STK17A: variants seen among roughly 807,000 people sequenced by gnomAD.
STK17A encodes serine/threonine-protein kinase 17A.
In STK17A, 26 loss-of-function variants were observed where a neutral mutation model predicts 43.7. The observed-to-expected ratio is 0.60, with a 90% CI of 0.44 to 0.83. The LOEUF (loss-of-function observed/expected upper bound fraction) is 0.83, where lower values mean the gene tolerates loss of function less well. Among genes scored for constraint, STK17A ranks in the 40% least tolerant of loss-of-function variants. STK17A has a pLI of 0.00. For synonymous variants in STK17A, 191 were observed against 182.5 expected (o/e 1.05, Z -0.38); for missense variants, 476 against 511.6 (o/e 0.93, Z 0.67).
chr7:43,598,431 C>G, intron 2 of STK17A, among the ~76,000 whole-genome samples: 1 of 145,290 alleles, frequency 6.9e-6, no homozygotes, highest in African/African-American at 2.6e-5. Flanking sequence ...GATCGTGCCA[C>G]TGCACTCCAG....
rs964324229 is a variant in STK17A at position 43,583,154 on chromosome 7, C to T, written c.-90C>T. ...GGAGAGCGGGTGTTTGAAGGCTCCG[C>T]GGACCGGCACTAGGAGCCGGGGGCG... On this transcript the variant is annotated 5_prime_UTR_variant, in exon 1 of 7. Coordinates refer to ENST00000319357, the MANE Select transcript of STK17A (RefSeq NM_004760.3). 5.5e-5 allele frequency: 77 copies of T among 1,401,544 alleles called. No individual in the cohort carries two copies. In the African/African-American group the frequency reaches 1.0e-3, roughly 19 times the overall value. The allele number at this position is 1,401,544 out of a possible 1,614,324, so 86.8% of individuals were successfully genotyped here. A position where few individuals can be genotyped will look rare whatever the true frequency, so the allele number is the denominator to read the frequency against.
At position 43,624,674 on chromosome 7, in the gene STK17A, A is replaced by C. The variant is rs2084297041; in HGVS notation, c.1077A>C (p.Ser359=). 6.2e-7 allele frequency: 1 copy of C among 1,614,038 alleles called. No homozygotes were observed. Among genetic ancestry groups the C allele is most frequent in the African/African-American group, 1.3e-5 (1 of 74,944 alleles). ...VPEINSDTDK[S]ETKESIVTEE... The stretch of plus-strand genomic sequence containing the variant: ...AAATTAATTCGGATACCGACAAATC[A>C]GAAACCAAGGAATCCATTGTAACCG... The change falls in exon 7 of 7, where the codon TCA becomes TCC. Residue 359 remains serine, a synonymous_variant. Coordinates refer to ENST00000319357, the MANE Select transcript of STK17A (RefSeq NM_004760.3).
chr7:43,586,913 T>C (rs998066169), intron 1 of STK17A, among the ~76,000 whole-genome samples: 2 of 151,350 alleles, frequency 1.3e-5, no homozygotes, highest in African/African-American at 4.8e-5. Flanking sequence ...TTACAAGTGC[T>C]TTCACATGCA....
At chr7:43,600,244 C>T (rs925014858) in intron 2 of STK17A, among the ~76,000 whole-genome samples, 2 of 152,158 alleles carry the variant, frequency 1.3e-5, no homozygotes, top group Non-Finnish European at 2.9e-5. Flanking sequence ...ACAGATGCAC[C>T]TACCATGATG....
chr7:43,601,432 C>T (rs1025799320), intron 2 of STK17A, among the ~76,000 whole-genome samples: 1 of 152,160 alleles, frequency 6.6e-6, no homozygotes, highest in Non-Finnish European at 1.5e-5. Flanking sequence ...TGGGAGCCCG[C>T]TGCTTACCAA....
At chr7:43,602,525 A>G (rs1376062799) in intron 2 of STK17A, among the ~76,000 whole-genome samples, 1 of 152,196 alleles carries the variant, frequency 6.6e-6, no homozygotes, top group Non-Finnish European at 1.5e-5. Flanking sequence ...TCATTTTAGT[A>G]TTCATGCCAG....
At chr7:43,621,850 C>T (rs970814316) in intron 4 of STK17A, among the ~76,000 whole-genome samples, 4 of 139,394 alleles carry the variant, frequency 2.9e-5, no homozygotes, top group Non-Finnish European at 6.1e-5. Context: ...AGGGACTCTC[C>T]TCTTTTTCCT....
At chr7:43,614,633 C>T (rs2083182090) in intron 3 of STK17A, among the ~76,000 whole-genome samples, 1 of 152,116 alleles carries the variant, frequency 6.6e-6, no homozygotes, top group African/African-American at 2.4e-5. Flanking sequence ...TTGGTAAAGG[C>T]CACATAATAA....
intron 4 of STK17A, among the ~76,000 whole-genome samples, chr7:43,621,624 C>A (rs1249571551): frequency 1.3e-5 from 2 of 152,102 alleles, no homozygotes; most frequent in Non-Finnish European, 2.9e-5. Flanking sequence ...CGTGCCAGCA[C>A]AGCGGGCCAG....
intron 3 of STK17A, among the ~76,000 whole-genome samples, chr7:43,619,143 T>C (rs1425103679): frequency 6.6e-6 from 1 of 152,112 alleles, no homozygotes; most frequent in Non-Finnish European, 1.5e-5. Context: ...CAGACGGGAT[T>C]TGGTGGGTCT....
At chr7:43,617,548 A>G (rs1279030029) in intron 3 of STK17A, among the ~76,000 whole-genome samples, 1 of 152,228 alleles carries the variant, frequency 6.6e-6, no homozygotes, top group African/African-American at 2.4e-5. Flanking sequence ...AGGGATGATC[A>G]TAGCATTCAC....
intron 3 of STK17A, among the ~76,000 whole-genome samples, chr7:43,612,979 G>C (rs1583619186): frequency 1.3e-5 from 2 of 152,136 alleles, no homozygotes; most frequent in South Asian, 4.1e-4. Flanking sequence ...GGCAAAGTCA[G>C]AACAAAACCA....
At chr7:43,608,166 C>A in intron 2 of STK17A, 90 bp from the exon 3 acceptor site, 1 of 1,278,278 alleles carries the variant, frequency 7.8e-7, no homozygotes, top group Non-Finnish European at 1.1e-6. Flanking sequence ...CAGTTACTGC[C>A]AGACTGTAAT....
chr7:43,583,134 G>A lies in STK17A; in HGVS notation c.-110G>A, dbSNP rs904306960. ...CAGTCCGAGCGCCGCGCTGGGGAGAGCGGGTGTTTGAAGGCTCCGCGGACC... is the reference window on the plus strand; with the variant it reads ...CAGTCCGAGCGCCGCGCTGGGGAGAACGGGTGTTTGAAGGCTCCGCGGACC... On this transcript the variant is annotated 5_prime_UTR_variant, in exon 1 of 7. Transcript: ENST00000319357. 4 of 1,183,278 alleles carry A rather than the reference G, an allele frequency of 3.4e-6. No homozygotes were observed. In the South Asian group the frequency reaches 4.2e-5, roughly 12 times the overall value. The allele number at this position is 1,183,278 out of a possible 1,614,324, so 73.3% of individuals were successfully genotyped here. A position where few individuals can be genotyped will look rare whatever the true frequency, so the allele number is the denominator to read the frequency against.
chr7:43,590,122 T>C (rs116602835), intron 1 of STK17A, among the ~76,000 whole-genome samples: 312 of 150,688 alleles, frequency 2.1e-3, no homozygotes, highest in African/African-American at 7.4e-3. Context: ...ATTTTTGTAT[T>C]TTTTGTAGTG....
intron 2 of STK17A, among the ~76,000 whole-genome samples, chr7:43,601,929 T>C (rs559973509): frequency 6.6e-6 from 1 of 152,122 alleles, no homozygotes; most frequent in African/African-American, 2.4e-5. Flanking sequence ...AGCTAATCAA[T>C]ATCTTTACTG....
intron 3 of STK17A, among the ~76,000 whole-genome samples, chr7:43,609,851 T>C (rs74798196): frequency 0.023 from 3,464 of 152,318 alleles, 114 homozygotes; most frequent in African/African-American, 0.077. Context: ...GATCATCTAC[T>C]GATCTACCTT....
chr7:43,595,287 TCC>T (rs397975933), intron 1 of STK17A, among the ~76,000 whole-genome samples: 16,056 of 130,788 alleles, frequency 0.12, 1,832 homozygotes, highest in Non-Finnish European at 0.19. Context: ...TTTTTTTTTT[TCC>T]CCCCTGGAGA....
At chr7:43,597,873 C>G (rs1344985086) in intron 2 of STK17A, among the ~76,000 whole-genome samples, 1 of 151,814 alleles carries the variant, frequency 6.6e-6, no homozygotes, top group Non-Finnish European at 1.5e-5. Flanking sequence ...TACAGTGAGC[C>G]GAGATAGTGC....
Sources: gnomAD v4.1 joint callset for allele counts (sites outside exome capture counted in the v4.1 genomes callset) on GRCh38, gnomAD v4.1.1 for gene constraint, MANE v1.5 for transcripts, NCBI Gene and HGNC (gene_info 2026-07-23, HGNC 2026-07-21) for gene names.